RIMS2: variants seen among roughly 807,000 people sequenced by gnomAD.
RIMS2 encodes regulating synaptic membrane exocytosis protein 2.
A neutral mutation model predicts 174.4 loss-of-function variants in RIMS2; 59 were observed. The observed-to-expected ratio is 0.34, with a 90% CI of 0.27 to 0.42. RIMS2 has a LOEUF of 0.42. RIMS2 is among the 10% of genes least tolerant of loss of function. RIMS2 has a pLI of 1.00. For synonymous variants in RIMS2, 606 were observed against 572.5 expected (o/e 1.06, Z -0.84); for missense variants, 1,620 against 1,666.3 (o/e 0.97, Z 0.48).
chr8:104,120,563 C>A (rs988391295), intron 19 of RIMS2, among the ~76,000 whole-genome samples: 3 of 151,914 alleles, frequency 2.0e-5, no homozygotes, highest in African/African-American at 7.3e-5. Context: ...AAATAAGTAA[C>A]CTGTTAGCAA....
chr8:104,096,530 A>G (rs2097765289), intron 19 of RIMS2, among the ~76,000 whole-genome samples: 1 of 152,160 alleles, frequency 6.6e-6, no homozygotes, highest in Admixed American at 6.5e-5. Flanking sequence ...TGTAGGGAAC[A>G]TATATCCTGG....
At chr8:103,894,143 G>A (rs2099263776) in intron 4 of RIMS2, among the ~76,000 whole-genome samples, 1 of 151,336 alleles carries the variant, frequency 6.6e-6, no homozygotes, top group African/African-American at 2.4e-5. Context: ...AAAATTGTGA[G>A]ACAAAAAAAT....
At chr8:104,055,319 T>G (rs1210015876) in intron 19 of RIMS2, among the ~76,000 whole-genome samples, 1 of 152,184 alleles carries the variant, frequency 6.6e-6, no homozygotes. Flanking sequence ...TTGATAATTA[T>G]GTCATATGAC....
At position 103,724,155 on chromosome 8, in the gene RIMS2, G is replaced by T. The variant is rs185042166; in HGVS notation, c.387+26859G>T. On this transcript the variant is annotated intron_variant, in intron 2 of 23. Transcript: ENST00000504942. ...TGAAACTGTCCTTCCTACCCTCTTC[G>T]ATGTGTCTGTTCTTATTTCTGTGTT... is the stretch of plus-strand genomic sequence containing the variant. Among the ~76,000 whole-genome samples, 240 of 149,266 alleles carry T rather than the reference G, an allele frequency of 1.6e-3. 2 individuals are homozygous for T. Among genetic ancestry groups the T allele is most frequent in the African/African-American group, 5.4e-3 (218 of 40,454 alleles).
intron 13 of RIMS2, among the ~76,000 whole-genome samples, chr8:103,936,964 G>C (rs925939439): frequency 6.6e-5 from 10 of 152,034 alleles, no homozygotes; most frequent in Non-Finnish European, 1.5e-4. Context: ...CGGGCATGGT[G>C]GTGGGCGCCT....
chr8:104,230,331 A>G (rs2139188684), intron 19 of RIMS2, among the ~76,000 whole-genome samples: 1 of 151,810 alleles, frequency 6.6e-6, no homozygotes, highest in African/African-American at 2.4e-5. Context: ...AGGAAAGGAA[A>G]TTTTATTTTA....
chr8:104,091,457 G>C (rs1421662161), intron 19 of RIMS2, among the ~76,000 whole-genome samples: 1 of 151,158 alleles, frequency 6.6e-6, no homozygotes, highest in Non-Finnish European at 1.5e-5. Context: ...CAATTTTATA[G>C]CTTTGAAAAA....
At chr8:103,693,822 CT>C (rs759697199) in intron 1 of RIMS2, among the ~76,000 whole-genome samples, 7 of 152,152 alleles carry the variant, frequency 4.6e-5, no homozygotes, top group Non-Finnish European at 8.8e-5. Context: ...CCTCAAATCT[CT>C]TTCTTTGGGA....
chr8:103,683,069 C>A (rs1475194728), intron 1 of RIMS2, among the ~76,000 whole-genome samples: 1 of 152,186 alleles, frequency 6.6e-6, no homozygotes, highest in East Asian at 1.9e-4. Context: ...AGTTCAGTCA[C>A]CTGGATTTTT....
At chr8:104,217,261 TG>T (rs1355203881) in intron 19 of RIMS2, among the ~76,000 whole-genome samples, 24 of 88,794 alleles carry the variant, frequency 2.7e-4, no homozygotes, top group African/African-American at 1.6e-3. Context: ...GTGAATATCT[TG>T]TTTTTTTGTT....
At chr8:103,936,874 T>C in intron 13 of RIMS2, 152 bp downstream of exon 15, 1 of 487,210 alleles carries the variant, frequency 2.1e-6, no homozygotes, top group Non-Finnish European at 3.6e-6. Context: ...GGGGGGCGGA[T>C]CACGAGGTCA....
At chr8:103,777,348 T>C (rs139406807) in intron 3 of RIMS2, among the ~76,000 whole-genome samples, 185 of 152,074 alleles carry the variant, frequency 1.2e-3, no homozygotes, top group African/African-American at 4.3e-3. Flanking sequence ...ATCTTGCCTC[T>C]TTTTTTCAGT....
chr8:104,052,667 G>A (rs754527747), intron 19 of RIMS2, among the ~76,000 whole-genome samples: 3 of 152,114 alleles, frequency 2.0e-5, no homozygotes, highest in Non-Finnish European at 4.4e-5. Flanking sequence ...ATAGATAGGA[G>A]ATATAATTTT....
At chr8:103,556,920 A>T (rs934898256) in intron 1 of RIMS2, among the ~76,000 whole-genome samples, 1 of 152,156 alleles carries the variant, frequency 6.6e-6, no homozygotes, top group Non-Finnish European at 1.5e-5. Flanking sequence ...TCTATGGATC[A>T]TGGCGGGGAC....
intron 17 of RIMS2, among the ~76,000 whole-genome samples, chr8:103,992,001 T>G (rs1327106566): frequency 1.3e-5 from 2 of 152,182 alleles, no homozygotes; most frequent in African/African-American, 4.8e-5. Flanking sequence ...AACCTTACCA[T>G]TTTAAAAGGA....
intron 1 of RIMS2, among the ~76,000 whole-genome samples, chr8:103,520,205 C>T (rs72677636): frequency 5.0e-4 from 76 of 152,122 alleles, no homozygotes; most frequent in Non-Finnish European, 9.3e-4. Context: ...TGTAATGTGA[C>T]GGGTACACAG....
chr8:103,932,695 C>T (rs778014894), intron 12 of RIMS2, among the ~76,000 whole-genome samples: 3 of 152,112 alleles, frequency 2.0e-5, no homozygotes, highest in Non-Finnish European at 2.9e-5. Context: ...GAATTTCTTT[C>T]GTGACTATTT....
chr8:104,020,986 T>A (rs1042127877), intron 19 of RIMS2, among the ~76,000 whole-genome samples: 3 of 152,086 alleles, frequency 2.0e-5, no homozygotes, highest in African/African-American at 7.2e-5. Flanking sequence ...CAAATATGTC[T>A]ACATATATTG....
At chr8:103,551,866 A>G (rs910391080) in intron 1 of RIMS2, among the ~76,000 whole-genome samples, 1 of 152,206 alleles carries the variant, frequency 6.6e-6, no homozygotes, top group Non-Finnish European at 1.5e-5. Flanking sequence ...TTCAAAGAGA[A>G]TAAAATACCT....
Sources: gnomAD v4.1 joint callset for allele counts (sites outside exome capture counted in the v4.1 genomes callset) on GRCh38, gnomAD v4.1.1 for gene constraint, MANE v1.5 for transcripts, NCBI Gene and HGNC (gene_info 2026-07-23, HGNC 2026-07-21) for gene names.